HS2ST1: variants seen among roughly 807,000 people sequenced by gnomAD.
HS2ST1 encodes the protein heparan sulfate 2-O-sulfotransferase 1, also known as 2-O-sulfotransferase.
HS2ST1 carries 18 observed loss-of-function variants against 42.9 expected under a neutral mutation model. The observed-to-expected ratio is 0.42, with a 90% CI of 0.29 to 0.62. HS2ST1 has a LOEUF of 0.62. Among genes scored for constraint, HS2ST1 ranks in the 20% least tolerant of loss-of-function variants. The pLI is 0.21. For missense variants in HS2ST1, 334 were observed against 433.8 expected, an observed-to-expected ratio of 0.77 and a Z score of 2.04; for synonymous variants, 146 against 152.9, an observed-to-expected ratio of 0.95 and a Z score of 0.33.
chr1:87,055,150 A>G (rs977444997), intron 1 of HS2ST1, among the ~76,000 whole-genome samples: 2 of 152,108 alleles, frequency 1.3e-5, no homozygotes, highest in Non-Finnish European at 2.9e-5. Context: ...TTAGGCTTGG[A>G]TATTGTTCTT....
intron 1 of HS2ST1, among the ~76,000 whole-genome samples, chr1:86,939,274 A>G (rs998754987): frequency 6.6e-6 from 1 of 152,214 alleles, no homozygotes; most frequent in Non-Finnish European, 1.5e-5. Flanking sequence ...GCTGTGTACA[A>G]TAATCAGTTG....
At chr1:86,994,505 G>C (rs888575840) in intron 1 of HS2ST1, among the ~76,000 whole-genome samples, 1 of 152,136 alleles carries the variant, frequency 6.6e-6, no homozygotes, top group Non-Finnish European at 1.5e-5. Context: ...CTTGTGATCA[G>C]AGCTGTAATA....
chr1:86,964,820 A>G (rs889780740), intron 1 of HS2ST1, among the ~76,000 whole-genome samples: 1 of 152,130 alleles, frequency 6.6e-6, no homozygotes, highest in Non-Finnish European at 1.5e-5. Context: ...ACACAGTTCA[A>G]TTTATTTGTT....
At chr1:87,064,532 G>T in intron 1 of HS2ST1, 1 of 518,254 alleles carries the variant, frequency 1.9e-6, no homozygotes, top group Non-Finnish European at 3.9e-6. Context: ...GGTACCATAT[G>T]CATCCCTGTT....
intron 1 of HS2ST1, among the ~76,000 whole-genome samples, chr1:86,915,495 CAG>C (rs954676788): frequency 6.6e-6 from 1 of 152,282 alleles, no homozygotes; most frequent in East Asian, 1.9e-4. Flanking sequence ...TCTCCGGAGA[CAG>C]AAGCGCTTAG....
At chr1:86,983,390 T>C (rs1402594852) in intron 1 of HS2ST1, among the ~76,000 whole-genome samples, 1 of 152,102 alleles carries the variant, frequency 6.6e-6, no homozygotes, top group Non-Finnish European at 1.5e-5. Flanking sequence ...AAACAAGGCA[T>C]GTCTTACATG....
chr1:87,063,766 T>C (rs1428671362), intron 1 of HS2ST1, among the ~76,000 whole-genome samples: 3 of 152,242 alleles, frequency 2.0e-5, no homozygotes, highest in South Asian at 2.1e-4. Flanking sequence ...TTTAAGTCTT[T>C]GATAAATTTT....
chr1:87,029,316 A>G (rs1275948702), intron 1 of HS2ST1, among the ~76,000 whole-genome samples: 1 of 152,154 alleles, frequency 6.6e-6, no homozygotes, highest in African/African-American at 2.4e-5. Flanking sequence ...TTTGCATTAG[A>G]ATTTCTACAC....
At chr1:86,964,709 C>A (rs920980850) in intron 1 of HS2ST1, among the ~76,000 whole-genome samples, 2 of 152,174 alleles carry the variant, frequency 1.3e-5, no homozygotes, top group Non-Finnish European at 2.9e-5. Context: ...TAAGAATATT[C>A]TTTAGTAATT....
At chr1:87,029,198 T>C (rs1335564796) in intron 1 of HS2ST1, among the ~76,000 whole-genome samples, 2 of 152,294 alleles carry the variant, frequency 1.3e-5, no homozygotes, top group East Asian at 3.9e-4. Flanking sequence ...AAAGAAAATA[T>C]TATGTGAGTC....
intron 1 of HS2ST1, among the ~76,000 whole-genome samples, chr1:86,973,668 T>G (rs1399022923): frequency 6.6e-6 from 1 of 152,186 alleles, no homozygotes; most frequent in Non-Finnish European, 1.5e-5. Flanking sequence ...GAAGGAAATA[T>G]CTTCTATCTT....
At chr1:87,054,665 A>G (rs1650916814) in intron 1 of HS2ST1, among the ~76,000 whole-genome samples, 1 of 152,064 alleles carries the variant, frequency 6.6e-6, no homozygotes, top group South Asian at 2.1e-4. Flanking sequence ...TCTCACCACA[A>G]CCCCTGCATC....
chr1:86,963,807 C>A (rs983657952), intron 1 of HS2ST1, among the ~76,000 whole-genome samples: 333 of 140,310 alleles, frequency 2.4e-3, no homozygotes, highest in Non-Finnish European at 3.9e-3. Context: ...CACCTCCCCC[C>A]CTGGACGGGG....
intron 4 of HS2ST1, among the ~76,000 whole-genome samples, chr1:87,093,989 A>C (rs1652006695): frequency 6.6e-6 from 1 of 152,086 alleles, no homozygotes. Flanking sequence ...TCTCAGCATT[A>C]TTTAATCTTC....
At chr1:87,055,751 T>TA (rs1650952828) in intron 1 of HS2ST1, among the ~76,000 whole-genome samples, 1 of 152,186 alleles carries the variant, frequency 6.6e-6, no homozygotes, top group African/African-American at 2.4e-5. Context: ...GTCCTTATGG[T>TA]AAAAAGCATT....
At chr1:86,918,982 AT>A (rs1228716561) in intron 1 of HS2ST1, among the ~76,000 whole-genome samples, 1 of 142,418 alleles carries the variant, frequency 7.0e-6, no homozygotes, top group Non-Finnish European at 1.5e-5. Flanking sequence ...TTATTTATTT[AT>A]TTATTTATTT....
intron 1 of HS2ST1, among the ~76,000 whole-genome samples, chr1:86,931,524 A>G (rs1343206961): frequency 1.3e-5 from 2 of 152,110 alleles, no homozygotes; most frequent in Non-Finnish European, 1.5e-5. Context: ...AGCAGATTTC[A>G]TACTTGCATT....
At chr1:87,038,703 T>G (rs370059204) in intron 1 of HS2ST1, among the ~76,000 whole-genome samples, 2 of 152,280 alleles carry the variant, frequency 1.3e-5, no homozygotes, top group East Asian at 3.9e-4. Context: ...GTCCTAATAT[T>G]TGTGTAAAAA....
chr1:87,095,541 T>G (rs1313175762), intron 4 of HS2ST1, among the ~76,000 whole-genome samples: 4 of 152,164 alleles, frequency 2.6e-5, no homozygotes, highest in Non-Finnish European at 4.4e-5. Context: ...ATTTCAAATT[T>G]GCATATTTTA....
Sources: allele counts gnomAD v4.1 joint callset (sites outside exome capture counted in the v4.1 genomes callset), GRCh38; gene constraint gnomAD v4.1.1; transcripts MANE v1.5; gene names NCBI Gene and HGNC (gene_info 2026-07-23, HGNC 2026-07-21).